USP47: variants seen among roughly 807,000 people sequenced by gnomAD.
USP47 encodes ubiquitin specific peptidase 47, also known as ubiquitin carboxyl-terminal hydrolase 47.
A neutral mutation model predicts 165.1 loss-of-function variants in USP47; 35 were observed. The observed-to-expected ratio is 0.21, with a 90% CI of 0.16 to 0.28. The LOEUF (loss-of-function observed/expected upper bound fraction) is 0.28. Ranked by LOEUF, USP47 falls within the 10% of genes least tolerant of loss-of-function variation. The probability of loss-of-function intolerance (pLI) is 1.00; values close to 1 mark genes in which losing one functional copy is unlikely to be tolerated. For synonymous variants in USP47, 531 were observed against 544.5 expected, an observed-to-expected ratio of 0.98 and a Z score of 0.35; for missense variants, 1,277 against 1,607.4, an observed-to-expected ratio of 0.79 and a Z score of 3.52.
At chr11:11,895,044 T>C (rs1322116636) in intron 4 of USP47, among the ~76,000 whole-genome samples, 1 of 152,150 alleles carries the variant, frequency 6.6e-6, no homozygotes, top group Admixed American at 6.5e-5. Flanking sequence ...TTTAAATGGC[T>C]GAAAAATAGT....
In USP47 at chr11:11,952,729, G is replaced by T; in HGVS notation, c.3584-12G>T. 1 of 1,582,166 alleles carries T rather than the reference G, an allele frequency of 6.3e-7. No homozygotes were observed. Among genetic ancestry groups the T allele is most frequent in the Non-Finnish European group, 8.6e-7 (1 of 1,164,272 alleles). On this transcript the variant is annotated splice_polypyrimidine_tract_variant and intron_variant, in intron 24 of 27. Transcript: ENST00000527733. ...GGAAATAGAATGATGACCTAATCTT[G>T]CATATTCTTAGGGGTAGAGAAGATG...
intron 25 of USP47, among the ~76,000 whole-genome samples, chr11:11,953,195 T>C (rs1240949849): frequency 6.6e-6 from 1 of 152,134 alleles, no homozygotes; most frequent in Non-Finnish European, 1.5e-5. Context: ...TGAATTGCTT[T>C]ATGTCTAAAA....
intron 1 of USP47, among the ~76,000 whole-genome samples, chr11:11,853,608 C>T (rs1848849728): frequency 6.6e-6 from 1 of 152,202 alleles, no homozygotes; most frequent in African/African-American, 2.4e-5. Flanking sequence ...TTACTGCATA[C>T]TTCCATTTCC....
At position 11,950,371 on chromosome 11, in the gene USP47, C is replaced by G; in HGVS notation, c.3472C>G (p.Leu1158Val). The change falls in exon 24 of 28, where the codon CTA (leucine) becomes GTA (valine). Residue 1158 changes from leucine (L) to valine (V), a missense_variant. Leu to Val is a conservative substitution (Grantham distance 32). Transcript: ENST00000527733. ...GTCTTATCACATTTGTAGGTTTCGT[C>G]TAAGGAAAAAAACATGGAAGAATCC... ...GLELSIDRFRLRKKTWKNPGT... is the reference protein window; with the variant it reads ...GLELSIDRFRVRKKTWKNPGT... 6.3e-7 allele frequency: 1 copy of G among 1,589,022 alleles called. No individual in the cohort carries two copies. The highest frequency in any genetic ancestry group is 8.5e-7 in the Non-Finnish European group (1 of 1,169,964).
chr11:11,910,532 C>A (rs1346353702), intron 8 of USP47, among the ~76,000 whole-genome samples: 1 of 152,048 alleles, frequency 6.6e-6, no homozygotes, highest in Admixed American at 6.5e-5. Flanking sequence ...TCCTTCACCA[C>A]CTCCCAGGGG....
intron 23 of USP47, 80 bp downstream of exon 23, chr11:11,950,084 A>C: frequency 2.8e-6 from 3 of 1,063,120 alleles, no homozygotes; most frequent in Non-Finnish European, 4.1e-6. Flanking sequence ...ATTTTCTAAA[A>C]CTAGGAGAAT....
At chr11:11,900,386 T>A (rs945658703) in intron 5 of USP47, among the ~76,000 whole-genome samples, 8 of 152,068 alleles carry the variant, frequency 5.3e-5, no homozygotes, top group Non-Finnish European at 1.0e-4. Flanking sequence ...GGTCTCGATC[T>A]CCTGACCTCG....
chr11:11,955,962 C>T (rs1237398628), intron 27 of USP47, 39 bp from the exon 28 acceptor site: 3 of 1,459,824 alleles, frequency 2.1e-6, no homozygotes, highest in Non-Finnish European at 1.8e-6. Flanking sequence ...AGGTGGAGGG[C>T]TCTACTGGAC....
At chr11:11,877,753 T>C (rs1200699005) in intron 1 of USP47, among the ~76,000 whole-genome samples, 2 of 151,658 alleles carry the variant, frequency 1.3e-5, no homozygotes, top group African/African-American at 2.4e-5. Context: ...TTATGTAGCA[T>C]GCATGCATAG....
At chr11:11,899,169 T>C (rs1852034251) in intron 5 of USP47, among the ~76,000 whole-genome samples, 1 of 151,996 alleles carries the variant, frequency 6.6e-6, no homozygotes, top group Admixed American at 6.6e-5. Flanking sequence ...TACTGGAGGA[T>C]GAGGTTAATA....
intron 1 of USP47, among the ~76,000 whole-genome samples, chr11:11,846,525 T>C (rs1316814798): frequency 6.6e-6 from 1 of 152,144 alleles, no homozygotes; most frequent in Non-Finnish European, 1.5e-5. Flanking sequence ...TCTGGGTTTT[T>C]TTCTCCTGTC....
At chr11:11,875,438 C>T (rs1480976102) in intron 1 of USP47, among the ~76,000 whole-genome samples, 1 of 152,120 alleles carries the variant, frequency 6.6e-6, no homozygotes, top group Non-Finnish European at 1.5e-5. Flanking sequence ...GACAAGATGA[C>T]TTAAGAGGCA....
At chr11:11,927,772 AAG>A (rs1378119600) in intron 11 of USP47, among the ~76,000 whole-genome samples, 1 of 152,108 alleles carries the variant, frequency 6.6e-6, no homozygotes, top group Non-Finnish European at 1.5e-5. Flanking sequence ...ATAGTAGTAA[AAG>A]AGAAGAAAAT....
chr11:11,949,550 C>T (rs1227775709), intron 22 of USP47, among the ~76,000 whole-genome samples: 1 of 152,134 alleles, frequency 6.6e-6, no homozygotes, highest in Non-Finnish European at 1.5e-5. Flanking sequence ...ACATTTCCCT[C>T]ATTTTAGTCC....
chr11:11,854,831 C>T (rs1367211945), intron 1 of USP47, among the ~76,000 whole-genome samples: 3 of 147,190 alleles, frequency 2.0e-5, no homozygotes, highest in African/African-American at 7.3e-5. Flanking sequence ...TGGTGGCTCA[C>T]GCCTGTAATC....
intron 17 of USP47, among the ~76,000 whole-genome samples, chr11:11,936,746 A>C (rs1855101344): frequency 6.6e-6 from 1 of 151,954 alleles, no homozygotes; most frequent in Admixed American, 6.6e-5. Context: ...CTTCTAGCTT[A>C]CGGTCTTCAG....
chr11:11,927,908 T>C (rs1202714445), intron 11 of USP47, among the ~76,000 whole-genome samples: 1 of 152,086 alleles, frequency 6.6e-6, no homozygotes, highest in Non-Finnish European at 1.5e-5. Context: ...ATTATTGCAA[T>C]TGGGAACCCT....
intron 1 of USP47, among the ~76,000 whole-genome samples, chr11:11,864,137 CAA>C (rs1184249999): frequency 2.0e-5 from 3 of 151,918 alleles, no homozygotes; most frequent in Non-Finnish European, 4.4e-5. Context: ...TATATCCACT[CAA>C]ATTATATTAA....
At chr11:11,893,734 G>A (rs574687860) in intron 4 of USP47, among the ~76,000 whole-genome samples, 1 of 152,096 alleles carries the variant, frequency 6.6e-6, no homozygotes, top group Non-Finnish European at 1.5e-5. Flanking sequence ...TTTTTCTAGA[G>A]ATGAGGTCTC....
Sources: gnomAD v4.1 joint callset for allele counts (sites outside exome capture counted in the v4.1 genomes callset) on GRCh38, gnomAD v4.1.1 for gene constraint, MANE v1.5 for transcripts, NCBI Gene and HGNC (gene_info 2026-07-23, HGNC 2026-07-21) for gene names.